The following SUGP2 variants were observed in gnomAD, a reference collection of about 807,000 sequenced individuals.
SUGP2 encodes SURP and G-patch domain-containing protein 2.
A neutral mutation model predicts 90.5 loss-of-function variants in SUGP2; 24 were observed. That is an observed-to-expected ratio of 0.27 (90% confidence interval 0.19 to 0.37). The LOEUF (loss-of-function observed/expected upper bound fraction) is 0.37, where lower values mean the gene tolerates loss of function less well. Among genes scored for constraint, SUGP2 ranks in the 10% least tolerant of loss-of-function variants. The pLI, the probability that SUGP2 is intolerant of heterozygous loss-of-function variation, is 1.00. For missense variants in SUGP2, 1,233 were observed against 1,363.3 expected, an observed-to-expected ratio of 0.90 and a Z score of 1.51; for synonymous variants, 473 against 513.4, an observed-to-expected ratio of 0.92 and a Z score of 1.06.
intron 3 of SUGP2, among the ~76,000 whole-genome samples, chr19:19,019,937 AG>A (rs2058649562): frequency 7.4e-6 from 1 of 135,326 alleles, no homozygotes; most frequent in African/African-American, 2.7e-5. Flanking sequence ...GCCTGAGCTC[AG>A]GAGTTCAAGA....
Position 19,026,037 on chromosome 19 carries a change from C to G in SUGP2, c.311G>C (p.Arg104Pro). ...TTCCAGATCCCGGCCACATTCTTTGCGAAAGTAGCTGTCATCACTGATGGA... is the reference window on the plus strand; with the variant it reads ...TTCCAGATCCCGGCCACATTCTTTGGGAAAGTAGCTGTCATCACTGATGGA... ...NPSISDDSYF[R>P]KECGRDLEFS... The change falls in exon 3 of 11, where the codon CGC becomes CCC. Residue 104 changes from arginine (R) to proline (P), a missense_variant. Physicochemically the swap from Arg to Pro is moderately radical, Grantham distance 103 (BLOSUM62 -2). Coordinates refer to ENST00000452918, the MANE Select transcript of SUGP2 (RefSeq NM_001017392.5). The G allele has an allele frequency of 6.2e-7, 1 of 1,614,006 alleles. No homozygotes were observed. The highest frequency in any genetic ancestry group is 2.2e-5 in the East Asian group (1 of 44,880).
rs537694922 is a variant in SUGP2 at position 19,030,515 on chromosome 19, A to AAAAC, written c.121+432_121+435dup. On this transcript the variant is annotated intron_variant, in intron 2 of 10. Coordinates refer to ENST00000452918, the MANE Select transcript of SUGP2 (RefSeq NM_001017392.5). ...GGAGACAAGAGTGAAACTCCGTCTCAAAACAAACAAACAAACAAACAAACA... is the reference window on the plus strand; with the variant it reads ...GGAGACAAGAGTGAAACTCCGTCTCAAAACAAACAAACAAACAAACAAACAAACA... 2.9e-3 allele frequency among the ~76,000 whole-genome samples: 440 copies of AAAAC among 152,270 alleles called. 4 individuals are homozygous for AAAAC. Among genetic ancestry groups the AAAAC allele is most frequent in the African/African-American group, 7.9e-3 (329 of 41,534 alleles).
At chr19:19,017,543 A>C (rs1188220786) in intron 4 of SUGP2, among the ~76,000 whole-genome samples, 1 of 152,136 alleles carries the variant, frequency 6.6e-6, no homozygotes, top group African/African-American at 2.4e-5. Context: ...AGGCCAAGGC[A>C]GGCGGATCGC....
intron 3 of SUGP2, among the ~76,000 whole-genome samples, chr19:19,021,842 T>G (rs4808904): frequency 0.69 from 104,432 of 151,596 alleles, 36,423 homozygotes; most frequent in East Asian, 0.89. Flanking sequence ...AATTTTTGAT[T>G]TTTAGTAGAG....
chr19:19,004,709 A>C, intron 6 of SUGP2, 63 bp from the exon 7 acceptor site: 1 of 1,363,608 alleles, frequency 7.3e-7, no homozygotes, highest in Non-Finnish European at 1.0e-6. Flanking sequence ...TTATTTGCTG[A>C]AACTGCTGGG....
intron 8 of SUGP2, among the ~76,000 whole-genome samples, chr19:19,001,337 C>G (rs2057824452): frequency 6.6e-6 from 1 of 152,112 alleles, no homozygotes; most frequent in Admixed American, 6.6e-5. Context: ...TCTTAAGGGC[C>G]AAGACATTAT....
upstream of SUGP2, chr19:19,033,533 C>G: frequency 3.6e-6 from 5 of 1,390,952 alleles, no homozygotes; most frequent in South Asian, 5.6e-5. Flanking sequence ...AATGAACCAA[C>G]GGTCTCCGCA....
rs566977136 is a variant in SUGP2 at position 19,008,371 on chromosome 19, C to G, written c.2396G>C (p.Gly799Ala). 1.9e-6 allele frequency: 3 copies of G among 1,614,154 alleles called. No individual in the cohort carries two copies. In the East Asian group the frequency reaches 6.7e-5, roughly 36 times the overall value. The change falls in exon 6 of 11, where the codon GGA becomes GCA. Residue 799 changes from glycine (G) to alanine (A), a missense_variant. By Grantham distance (60) the Gly-to-Ala change is moderately conservative. This residue lies in a region of SUGP2 where 540 missense variants were observed against 542.6 expected (regional missense o/e 1.00). Coordinates refer to ENST00000452918, the MANE Select transcript of SUGP2 (RefSeq NM_001017392.5). ...EKLARFVAQV[G>A]PEIEQFSIEN... ...TATGCTGAATTGTTCGATCTCTGGTCCCACCTGAGCAACAAATCTAGCCAG... is the reference window on the plus strand; with the variant it reads ...TATGCTGAATTGTTCGATCTCTGGTGCCACCTGAGCAACAAATCTAGCCAG...
chr19:19,033,158 C>T (rs1290974774), intron 1 of SUGP2: 2 of 189,066 alleles, frequency 1.1e-5, no homozygotes, highest in Non-Finnish European at 2.1e-5. Flanking sequence ...GAGCGGGGGC[C>T]GCTCCGAGTT....
chr19:18,996,677 C>T (rs967691077), intron 8 of SUGP2, among the ~76,000 whole-genome samples: 4 of 152,242 alleles, frequency 2.6e-5, no homozygotes, highest in Admixed American at 6.5e-5. Context: ...TTCAGCCTCC[C>T]GAGTAGCTGA....
At chr19:19,017,325 G>C (rs1403374708) in intron 4 of SUGP2, among the ~76,000 whole-genome samples, 3 of 152,214 alleles carry the variant, frequency 2.0e-5, no homozygotes, top group Admixed American at 2.0e-4. Context: ...TGCCTGCCAT[G>C]GGACACCAGG....
Position 19,010,099 on chromosome 19 carries a change from G to A in SUGP2, c.2094C>T (p.Thr698=), listed in dbSNP as rs780628118. Residue 698 remains threonine, a synonymous_variant, in exon 5 of 11, where the codon ACC becomes ACT. Transcript: ENST00000452918. The part of the protein sequence containing the change: ...LRGWKARRAT[T]GTQTLLSSGT... ...CTGAGGATAGGAGGGTCTGGGTCCC[G>A]GTGGTCGCTCTCCTCGCCTTCCAGC... 35 of 1,612,482 alleles carry A rather than the reference G, an allele frequency of 2.2e-5. No homozygotes were observed. In the African/African-American group the frequency reaches 2.3e-4, roughly 10 times the overall value.
chr19:19,001,646 G>A lies in SUGP2; in HGVS notation c.2958C>T (p.Asp986=). ...TGGACATGGGACGACCCCGAGGCCT[G>A]TCATAGGCAATTCGAACTGGTTCAT... ...KVHEPVRIAY[D]RPRGRPMSKK... The change falls in exon 8 of 11, where the codon GAC becomes GAT. Residue 986 remains aspartate (D), a synonymous_variant. Coordinates refer to ENST00000452918, the MANE Select transcript of SUGP2 (RefSeq NM_001017392.5). The A allele has an allele frequency of 1.2e-6, 2 of 1,614,248 alleles. No individual in the cohort carries two copies. Among genetic ancestry groups the A allele is most frequent in the East Asian group, 2.2e-5 (1 of 44,888 alleles).
rs373496813 is a variant in SUGP2, at chr19:19,009,819, G to A, written c.2338+36C>T. The A allele has an allele frequency of 9.4e-5, 146 of 1,560,598 alleles. No individual in the cohort carries two copies. The African/African-American group carries it at 1.8e-3, about 19-fold the overall frequency. On this transcript the variant is annotated intron_variant, in intron 5 of 10. Coordinates refer to ENST00000452918, the MANE Select transcript of SUGP2 (RefSeq NM_001017392.5). ...CCCTGGAGATGGGAGAGTAGGGACT[G>A]GGGCCCAGAGGAGGGGGACAGGAGT...
chr19:19,015,336 T>C (rs112304986), intron 4 of SUGP2, among the ~76,000 whole-genome samples: 4 of 152,150 alleles, frequency 2.6e-5, no homozygotes, highest in East Asian at 3.8e-4. Flanking sequence ...GCAGAAACAT[T>C]TGGCTTTTCA....
At chr19:19,002,616 C>T (rs527582833) in intron 7 of SUGP2, among the ~76,000 whole-genome samples, 5 of 145,960 alleles carry the variant, frequency 3.4e-5, no homozygotes, top group East Asian at 4.3e-4. Context: ...CAGGTTCAAG[C>T]GATTCTCCAG....
At chr19:19,012,383 C>T (rs1466325629) in intron 4 of SUGP2, among the ~76,000 whole-genome samples, 1 of 152,214 alleles carries the variant, frequency 6.6e-6, no homozygotes, top group Non-Finnish European at 1.5e-5. Context: ...TCACTCATGG[C>T]TCTGATGGCT....
intron 10 of SUGP2, 115 bp downstream of exon 10, chr19:18,994,251 T>G (rs1474496014): frequency 4.7e-5 from 66 of 1,396,770 alleles, no homozygotes; most frequent in Non-Finnish European, 6.2e-5. Flanking sequence ...GTGATTTTTT[T>G]TGTGTGTGGC....
intron 1 of SUGP2, among the ~76,000 whole-genome samples, chr19:19,032,500 A>G (rs74487847): frequency 0.019 from 2,927 of 152,228 alleles, 100 homozygotes; most frequent in African/African-American, 0.068. Context: ...AGCAGGGCAC[A>G]GAGGCTCTGA....
Sources: gnomAD v4.1 joint callset for allele counts (sites outside exome capture counted in the v4.1 genomes callset) on GRCh38, gnomAD v4.1.1 for gene constraint, gnomAD v4.1.1 regional missense constraint, MANE v1.5 for transcripts, NCBI Gene and HGNC (gene_info 2026-07-23, HGNC 2026-07-21) for gene names.